The following PLD1 variants were observed in gnomAD, a reference collection of about 807,000 sequenced individuals.
PLD1 encodes the protein phospholipase D1.
PLD1 carries 112 observed loss-of-function variants against 137.1 expected under a neutral mutation model. That is an observed-to-expected ratio of 0.82 (90% CI 0.70 to 0.96). The LOEUF is 0.96. Ranked by LOEUF, PLD1 falls within the 40% of genes least tolerant of loss-of-function variation. The pLI, the probability that PLD1 is intolerant of heterozygous loss-of-function variation, is 0.00. For missense variants in PLD1, 1,321 were observed against 1,342.0 expected (o/e 0.98, Z 0.24); for synonymous variants, 431 against 454.7 (o/e 0.95, Z 0.66).
intron 11 of PLD1, among the ~76,000 whole-genome samples, chr3:171,706,113 C>G (rs992741247): frequency 1.4e-5 from 2 of 141,124 alleles, no homozygotes; most frequent in African/African-American, 5.4e-5. Flanking sequence ...AAACCAACAC[C>G]GGGTCAGTCA....
Position 171,642,835 on chromosome 3 carries a change from CT to C in PLD1, c.2593+4del. On this transcript the variant is annotated splice_donor_region_variant and intron_variant, in intron 23 of 26. Coordinates refer to ENST00000351298, the MANE Select transcript of PLD1 (RefSeq NM_002662.5). ...AATGATATGAGAAAAAAAGCAGTTACTTACGCTCTGCTTTTAACTGTCCAAG... is the reference window on the plus strand; with the variant it reads ...AATGATATGAGAAAAAAAGCAGTTACTACGCTCTGCTTTTAACTGTCCAAG... The C allele has an allele frequency of 6.5e-7, 1 of 1,547,414 alleles. No individual in the cohort carries two copies. Among genetic ancestry groups the C allele is most frequent in the Non-Finnish European group, 8.8e-7 (1 of 1,130,086 alleles).
Position 171,724,721 on chromosome 3 carries a change from T to G in PLD1, c.733A>C (p.Arg245=). 1 of 1,609,126 alleles carries G rather than the reference T, an allele frequency of 6.2e-7. No individual in the cohort carries two copies. Among genetic ancestry groups the G allele is most frequent in the Non-Finnish European group, 8.5e-7 (1 of 1,175,850 alleles). ...CTTTTTGACCATCTGTAGCAGGCTC[T>G]TCCCTGACCACAGCAATTCAAGCCT... ...IPGLNCCGQG[R]ACYRWSKRWL... The change falls in exon 8 of 27, where the codon AGA becomes CGA. Residue 245 remains arginine, a synonymous_variant. Transcript: ENST00000351298.
intron 12 of PLD1, among the ~76,000 whole-genome samples, chr3:171,696,719 G>A (rs1363831234): frequency 1.3e-5 from 2 of 152,156 alleles, no homozygotes; most frequent in African/African-American, 4.8e-5. Context: ...TGATCCGAGT[G>A]TTAAAAAATT....
chr3:171,757,089 T>C (rs989429146), intron 1 of PLD1, among the ~76,000 whole-genome samples: 2 of 152,090 alleles, frequency 1.3e-5, no homozygotes, highest in Admixed American at 1.3e-4. Flanking sequence ...AATAGACAAA[T>C]TGCCTATACT....
At chr3:171,624,879 G>A (rs1424273185) in intron 23 of PLD1, among the ~76,000 whole-genome samples, 1 of 152,200 alleles carries the variant, frequency 6.6e-6, no homozygotes, top group East Asian at 1.9e-4. Context: ...AACACAACAA[G>A]ATTAACCTAG....
At chr3:171,805,610 T>C (rs1723812713) in intron 1 of PLD1, among the ~76,000 whole-genome samples, 1 of 152,152 alleles carries the variant, frequency 6.6e-6, no homozygotes, top group Non-Finnish European at 1.5e-5. Flanking sequence ...GACATACCCA[T>C]GCTCCACCTT....
chr3:171,609,960 TA>T (rs1732523137), intron 25 of PLD1, among the ~76,000 whole-genome samples: 1 of 152,106 alleles, frequency 6.6e-6, no homozygotes, highest in Non-Finnish European at 1.5e-5. Context: ...ACAAATAAAC[TA>T]GGCAATTTAT....
At chr3:171,764,884 A>G (rs765817573) in intron 1 of PLD1, among the ~76,000 whole-genome samples, 1,814 of 19,210 alleles carry the variant, frequency 0.094, 81 homozygotes, top group Middle Eastern at 0.2. Context: ...AGAAAGAAAG[A>G]AAGAAAGAAA....
chr3:171,632,643 A>G (rs909404290), intron 23 of PLD1, among the ~76,000 whole-genome samples: 12 of 152,220 alleles, frequency 7.9e-5, no homozygotes, highest in African/African-American at 2.7e-4. Context: ...ATTGAGAGAG[A>G]ATGATAAAGC....
At chr3:171,607,538 C>A (rs1345360229) in intron 25 of PLD1, among the ~76,000 whole-genome samples, 3 of 151,910 alleles carry the variant, frequency 2.0e-5, no homozygotes, top group Non-Finnish European at 4.4e-5. Context: ...ATATTAAATG[C>A]AGAGTAAAAA....
chr3:171,800,379 T>A (rs1482151468), intron 1 of PLD1, among the ~76,000 whole-genome samples: 1 of 152,060 alleles, frequency 6.6e-6, no homozygotes, highest in Non-Finnish European at 1.5e-5. Context: ...TGGCTAATTG[T>A]TGTATTTTTA....
intron 21 of PLD1, among the ~76,000 whole-genome samples, chr3:171,650,305 C>T (rs1234178204): frequency 2.0e-5 from 3 of 152,188 alleles, no homozygotes; most frequent in Non-Finnish European, 4.4e-5. Context: ...GGATCTGTGC[C>T]TTGCTTTCAG....
chr3:171,777,972 T>G (rs1303909564), intron 1 of PLD1, among the ~76,000 whole-genome samples: 1 of 152,230 alleles, frequency 6.6e-6, no homozygotes, highest in East Asian at 1.9e-4. Flanking sequence ...AATCAGTAAC[T>G]ACATATTACA....
intron 8 of PLD1, among the ~76,000 whole-genome samples, chr3:171,715,980 C>G (rs528361313): frequency 6.8e-6 from 1 of 146,578 alleles, no homozygotes; most frequent in African/African-American, 2.5e-5. Context: ...TCCATGAGTT[C>G]TCGTTATTTA....
At chr3:171,743,318 T>C (rs915214327) in intron 1 of PLD1, among the ~76,000 whole-genome samples, 2 of 152,184 alleles carry the variant, frequency 1.3e-5, no homozygotes, top group Non-Finnish European at 2.9e-5. Context: ...TAACATACCA[T>C]CTTGCAACTG....
chr3:171,732,019 C>A (rs187567174), intron 6 of PLD1, among the ~76,000 whole-genome samples: 2 of 152,144 alleles, frequency 1.3e-5, no homozygotes, highest in African/African-American at 4.8e-5. Context: ...AATGAACTCA[C>A]CAAGAATGGT....
At chr3:171,642,947 C>G in intron 22 of PLD1, 58 bp from the exon 23 acceptor site, 1 of 935,240 alleles carries the variant, frequency 1.1e-6, no homozygotes, top group South Asian at 1.4e-5. Context: ...CAATCCCATG[C>G]AGTATCTGTA....
rs1252927003 is a variant in PLD1, at chr3:171,600,970, C to T, written c.*2108G>A. ...TGAAGTCCCTGCCCCATGGAGCTTA[C>T]ATTCTAGTAGGGGGAGACAGACAAA... On this transcript the variant is annotated 3_prime_UTR_variant, in exon 27 of 27. Transcript: ENST00000351298. The T allele has an allele frequency of 6.6e-6, 1 of 152,220 alleles. No individual in the cohort carries two copies. The highest frequency in any genetic ancestry group is 2.4e-5 in the African/African-American group (1 of 41,446). 9.4% of individuals were successfully genotyped at this position (152,220 alleles called of 1,614,324 possible).
chr3:171,708,354 G>A (rs1291210467), intron 11 of PLD1, among the ~76,000 whole-genome samples: 1 of 152,128 alleles, frequency 6.6e-6, no homozygotes, highest in African/African-American at 2.4e-5. Context: ...CAGGCAAGTG[G>A]AACTATTTCA....
Sources: gnomAD v4.1 joint callset for allele counts (sites outside exome capture counted in the v4.1 genomes callset) on GRCh38, gnomAD v4.1.1 for gene constraint, MANE v1.5 for transcripts, NCBI Gene and HGNC (gene_info 2026-07-23, HGNC 2026-07-21) for gene names.